FREM3: variants seen among roughly 807,000 people sequenced by gnomAD.
FREM3 encodes the protein FRAS1-related extracellular matrix protein 3.
In FREM3, 105 loss-of-function variants were observed where a neutral mutation model predicts 129.1. That is an observed-to-expected ratio of 0.81 (90% CI 0.69 to 0.96). The LOEUF (loss-of-function observed/expected upper bound fraction) is 0.96. Ranked by LOEUF, FREM3 falls within the 40% of genes least tolerant of loss-of-function variation. The pLI is 0.00. For synonymous variants in FREM3, 1,014 were observed against 1,044.9 expected, an observed-to-expected ratio of 0.97 and a Z score of 0.57; for missense variants, 2,593 against 2,666.3, an observed-to-expected ratio of 0.97 and a Z score of 0.61.
intron 6 of FREM3, among the ~76,000 whole-genome samples, chr4:143,602,351 G>A (rs982682061): frequency 2.0e-5 from 3 of 152,106 alleles, no homozygotes; most frequent in Non-Finnish European, 4.4e-5. Flanking sequence ...ATATAATTAC[G>A]TGGGAAGTGC....
chr4:143,696,214 G>T lies in FREM3; in HGVS notation c.4462C>A (p.Gln1488Lys). Residue 1488 changes from glutamine (Q) to lysine (K), a missense_variant, in exon 1 of 8, where the codon CAA becomes AAA. By Grantham distance (53) the Gln-to-Lys change is moderately conservative. Coordinates refer to ENST00000329798, the MANE Select transcript of FREM3 (RefSeq NM_001168235.2). ...ATTTTGTTGCTAGCCAATTGAAGTT[G>T]AGTGAAAGAGGCAATGGGTTCCCCA... Reference protein sequence around the residue: ...YAGEPIASFTQLQLASNKISY... With the variant: ...YAGEPIASFTKLQLASNKISY... 5 of 1,537,836 alleles carry T rather than the reference G, an allele frequency of 3.3e-6. No homozygotes were observed. Among genetic ancestry groups the T allele is most frequent in the Non-Finnish European group, 4.4e-6 (5 of 1,147,052 alleles).
chr4:143,661,574 C>T (rs562917920), intron 2 of FREM3, among the ~76,000 whole-genome samples: 2 of 151,540 alleles, frequency 1.3e-5, no homozygotes, highest in Non-Finnish European at 2.9e-5. Flanking sequence ...TCTCTGCCCG[C>T]CTTTGGTATC....
Position 143,699,651 on chromosome 4 carries a change from A to G in FREM3, c.1025T>C (p.Leu342Pro). The G allele has an allele frequency of 1.3e-6, 2 of 1,530,262 alleles. No individual in the cohort carries two copies. Among genetic ancestry groups the G allele is most frequent in the Admixed American group, 2.0e-5 (1 of 50,612 alleles). The allele number at this position is 1,530,262 out of a possible 1,614,324, so 94.8% of individuals were successfully genotyped here. A position where few individuals can be genotyped will look rare whatever the true frequency, so the allele number is the denominator to read the frequency against. Residue 342 changes from leucine to proline, a missense_variant, in exon 1 of 8, where the codon CTG becomes CCG. Transcript: ENST00000329798. The surrounding 1 kb of genome is among the most constrained non-coding windows in gnomAD (Gnocchi z 4.2). ...GGGGGCGTTCAGAATGTTGAACACC[A>G]GGTCACCAGGGTCTGACTCGACGTC... ...AEDVESDPGD[L>P]VFNILNAPTH...
intron 2 of FREM3, among the ~76,000 whole-genome samples, chr4:143,683,106 A>G (rs1214566151): frequency 1.3e-5 from 2 of 152,178 alleles, no homozygotes; most frequent in East Asian, 1.9e-4. Flanking sequence ...ATTCTACCCT[A>G]AAGTCGCACA....
At chr4:143,663,601 C>A (rs979977603) in intron 2 of FREM3, among the ~76,000 whole-genome samples, 4 of 152,030 alleles carry the variant, frequency 2.6e-5, no homozygotes, top group Admixed American at 6.6e-5. Context: ...TTGTGGCATT[C>A]TCTGTATTTC....
At chr4:143,577,900 A>G in intron 7 of FREM3, 48 bp from the exon 8 acceptor site, 1 of 1,503,402 alleles carries the variant, frequency 6.7e-7, no homozygotes, top group Non-Finnish European at 8.8e-7. Flanking sequence ...ATTTGTCATA[A>G]GTTTTCCTTC....
intron 4 of FREM3, 32 bp downstream of exon 4, chr4:143,624,076 G>C: frequency 3.1e-6 from 4 of 1,283,568 alleles, no homozygotes; most frequent in Non-Finnish European, 4.4e-6. Context: ...ACCTGTACTG[G>C]TTAATAAAGC....
chr4:143,698,684 G>A lies in FREM3; in HGVS notation c.1992C>T (p.Ser664=), dbSNP rs1273625068. The A allele has an allele frequency of 6.5e-7, 1 of 1,537,426 alleles. No individual in the cohort carries two copies. Residue 664 remains serine (S), a synonymous_variant, in exon 1 of 8, where the codon AGC becomes AGT. Transcript: ENST00000329798. ...CCAGCTGGACCATTACAGATTGAGG[G>A]CTGTGTGGTCCAAGATGGCGGTAGA... The part of the protein sequence containing the change: ...RLFYRHLGPH[S]PQSVMVQLAF...
intron 5 of FREM3, among the ~76,000 whole-genome samples, chr4:143,619,867 G>GTA (rs1738916121): frequency 6.6e-6 from 1 of 151,790 alleles, no homozygotes; most frequent in African/African-American, 2.4e-5. Flanking sequence ...TGTTGTGGGG[G>GTA]TATTATTTAA....
At chr4:143,591,921 C>T (rs995866125) in intron 6 of FREM3, among the ~76,000 whole-genome samples, 3 of 152,238 alleles carry the variant, frequency 2.0e-5, no homozygotes, top group Admixed American at 2.0e-4. Context: ...AATCTGGATG[C>T]TCCTGTACTG....
At chr4:143,611,257 G>T in intron 6 of FREM3, 22 bp downstream of exon 6, 3 of 1,524,196 alleles carry the variant, frequency 2.0e-6, no homozygotes, top group Non-Finnish European at 2.6e-6. Context: ...GCCAAAGGTT[G>T]GAAAGCAACA....
intron 2 of FREM3, among the ~76,000 whole-genome samples, chr4:143,683,321 G>T (rs1740289243): frequency 6.6e-6 from 1 of 152,200 alleles, no homozygotes; most frequent in African/African-American, 2.4e-5. Flanking sequence ...TGTTCCTGCA[G>T]GACCTGGGAG....
chr4:143,614,148 G>GA (rs1171705034), intron 5 of FREM3, among the ~76,000 whole-genome samples: 13 of 152,252 alleles, frequency 8.5e-5, no homozygotes, highest in Admixed American at 7.8e-4. Context: ...GTTTTAGCAA[G>GA]ATTTTTAAAC....
intron 5 of FREM3, among the ~76,000 whole-genome samples, chr4:143,618,724 G>A (rs1038565530): frequency 6.6e-6 from 1 of 151,968 alleles, no homozygotes; most frequent in Non-Finnish European, 1.5e-5. Flanking sequence ...TGAGAACTTC[G>A]TCTCTACAAA....
intron 2 of FREM3, among the ~76,000 whole-genome samples, chr4:143,689,883 G>A (rs1372138631): frequency 2.1e-5 from 3 of 140,680 alleles, no homozygotes; most frequent in Non-Finnish European, 4.6e-5. Context: ...AACTTGGGGG[G>A]AAGAGTGGGA....
At chr4:143,578,807 C>G (rs1052052037) in intron 7 of FREM3, among the ~76,000 whole-genome samples, 3 of 152,076 alleles carry the variant, frequency 2.0e-5, no homozygotes, top group Non-Finnish European at 4.4e-5. Flanking sequence ...GTTGAGAGGA[C>G]TGTTGTAGGT....
At chr4:143,641,895 A>G (rs1273903080) in intron 2 of FREM3, among the ~76,000 whole-genome samples, 2 of 152,156 alleles carry the variant, frequency 1.3e-5, no homozygotes, top group Non-Finnish European at 2.9e-5. Flanking sequence ...AATCTTATAT[A>G]CCCTTAAGGA....
chr4:143,629,243 G>A (rs930520550), intron 2 of FREM3, among the ~76,000 whole-genome samples: 1 of 152,120 alleles, frequency 6.6e-6, no homozygotes, highest in Non-Finnish European at 1.5e-5. Flanking sequence ...GTCAACCTTG[G>A]AAGAGCAATA....
chr4:143,584,068 C>A (rs1277945346), intron 7 of FREM3, among the ~76,000 whole-genome samples: 1 of 152,208 alleles, frequency 6.6e-6, no homozygotes, highest in East Asian at 1.9e-4. Context: ...AAAGACCCAT[C>A]TCACATGCAA....
Sources: gnomAD v4.1 joint callset for allele counts (sites outside exome capture counted in the v4.1 genomes callset) on GRCh38, gnomAD v4.1.1 for gene constraint, Gnocchi (gnomAD v3.1) non-coding constraint, MANE v1.5 for transcripts, NCBI Gene and HGNC (gene_info 2026-07-23, HGNC 2026-07-21) for gene names.